The following CADM2 variants were observed in gnomAD, a reference collection of about 807,000 sequenced individuals.
CADM2 encodes the protein cell adhesion molecule 2.
Under a neutral mutation model 49.8 loss-of-function variants are expected in CADM2, and 12 were observed. The ratio of observed to expected loss-of-function variants is 0.24; its 90% CI spans 0.15 to 0.39. The LOEUF (loss-of-function observed/expected upper bound fraction) is 0.39. CADM2 is among the 10% of genes least tolerant of loss of function. The pLI is 1.00. For synonymous variants in CADM2, 214 were observed against 175.4 expected (o/e 1.22, Z -1.74); for missense variants, 378 against 492.3 (o/e 0.77, Z 2.20).
At chr3:85,406,913 C>T (rs982673716) in intron 1 of CADM2, among the ~76,000 whole-genome samples, 6 of 152,138 alleles carry the variant, frequency 3.9e-5, no homozygotes, top group East Asian at 1.9e-4. Flanking sequence ...AGACAAAATA[C>T]GACCAGGGTA....
At chr3:85,917,948 C>T (rs932103716) in intron 6 of CADM2, among the ~76,000 whole-genome samples, 1 of 152,138 alleles carries the variant, frequency 6.6e-6, no homozygotes, top group African/African-American at 2.4e-5. Flanking sequence ...TTGGAGTTCA[C>T]TCATGGTTTG....
intron 1 of CADM2, among the ~76,000 whole-genome samples, chr3:85,687,530 A>G (rs1015040254): frequency 1.3e-5 from 2 of 152,194 alleles, no homozygotes; most frequent in African/African-American, 4.8e-5. Context: ...TTAATAATTC[A>G]AGAGAAAATA....
At chr3:86,045,312 C>T (rs77440954) in intron 8 of CADM2, among the ~76,000 whole-genome samples, 6 of 152,018 alleles carry the variant, frequency 3.9e-5, no homozygotes, top group African/African-American at 1.4e-4. Context: ...TGATTTAAAT[C>T]GAATGGCTGA....
At chr3:85,369,032 ATTTC>A (rs1559804006) in intron 1 of CADM2, among the ~76,000 whole-genome samples, 1 of 152,162 alleles carries the variant, frequency 6.6e-6, no homozygotes, top group Admixed American at 6.5e-5. Flanking sequence ...TCCAGAAGTG[ATTTC>A]TTTCTTCTTA....
At chr3:85,053,534 A>G (rs1426813758) in intron 1 of CADM2, among the ~76,000 whole-genome samples, 1 of 151,942 alleles carries the variant, frequency 6.6e-6, no homozygotes, top group Non-Finnish European at 1.5e-5. Flanking sequence ...TGAAAAATGG[A>G]TGAGTGACTC....
At chr3:85,758,519 A>G (rs529354060) in intron 2 of CADM2, among the ~76,000 whole-genome samples, 1 of 152,234 alleles carries the variant, frequency 6.6e-6, no homozygotes, top group Admixed American at 6.5e-5. Flanking sequence ...TCTTAATTTT[A>G]TGTGTTTCTT....
At chr3:85,981,658 G>T (rs930548148) in intron 8 of CADM2, among the ~76,000 whole-genome samples, 1 of 151,538 alleles carries the variant, frequency 6.6e-6, no homozygotes, top group South Asian at 2.1e-4. Context: ...GCCTGCAGCT[G>T]CATCTTTGCT....
chr3:85,899,247 T>C (rs1715767909), intron 5 of CADM2, among the ~76,000 whole-genome samples: 1 of 151,960 alleles, frequency 6.6e-6, no homozygotes, highest in African/African-American at 2.4e-5. Context: ...ATTACAGGTG[T>C]GAGCCACCGC....
intron 1 of CADM2, among the ~76,000 whole-genome samples, chr3:85,672,486 C>T (rs997707039): frequency 3.3e-5 from 5 of 152,044 alleles, no homozygotes; most frequent in Admixed American, 1.3e-4. Context: ...AAGGTTTTCC[C>T]TCTGCTAATA....
intron 1 of CADM2, among the ~76,000 whole-genome samples, chr3:85,688,055 C>A (rs2066268057): frequency 6.6e-6 from 1 of 152,172 alleles, no homozygotes; most frequent in Admixed American, 6.5e-5. Context: ...AAACCATCAC[C>A]CCCAGCAACC....
At chr3:86,055,770 C>T (rs1737913033) in intron 8 of CADM2, among the ~76,000 whole-genome samples, 1 of 152,132 alleles carries the variant, frequency 6.6e-6, no homozygotes, top group Non-Finnish European at 1.5e-5. Flanking sequence ...GGGACACAAA[C>T]ATTCAGACCT....
At chr3:85,359,473 G>A (rs2107271046) in intron 1 of CADM2, among the ~76,000 whole-genome samples, 1 of 150,752 alleles carries the variant, frequency 6.6e-6, no homozygotes, top group African/African-American at 2.4e-5. Context: ...GTGTCCTATA[G>A]CATACTCTTT....
chr3:86,028,749 TA>T (rs1305792130), intron 8 of CADM2, among the ~76,000 whole-genome samples: 1 of 152,190 alleles, frequency 6.6e-6, no homozygotes, highest in Admixed American at 6.5e-5. Flanking sequence ...TCTTCACTTT[TA>T]TTTTCTAGAT....
chr3:85,572,989 A>G (rs1442289425), intron 1 of CADM2, among the ~76,000 whole-genome samples: 1 of 151,728 alleles, frequency 6.6e-6, no homozygotes, highest in African/African-American at 2.4e-5. Context: ...TACACTGTAC[A>G]TATTATCCTA....
At chr3:85,732,567 C>A (rs1334954911) in intron 2 of CADM2, among the ~76,000 whole-genome samples, 1 of 145,310 alleles carries the variant, frequency 6.9e-6, no homozygotes, top group Non-Finnish European at 1.6e-5. Flanking sequence ...TTGCTGAAGA[C>A]ACTGCTATAT....
intron 8 of CADM2, among the ~76,000 whole-genome samples, chr3:86,021,878 C>G (rs1316037858): frequency 1.3e-5 from 2 of 152,094 alleles, no homozygotes; most frequent in Non-Finnish European, 2.9e-5. Context: ...AGCAGATATA[C>G]AGGAAGAGCA....
At chr3:85,024,658 T>C (rs986924905) in intron 1 of CADM2, among the ~76,000 whole-genome samples, 1 of 137,564 alleles carries the variant, frequency 7.3e-6, no homozygotes, top group Non-Finnish European at 1.6e-5. Context: ...GCAGTAATTA[T>C]AGTTTTTCTT....
At chr3:85,410,155 T>C (rs2035589580) in intron 1 of CADM2, among the ~76,000 whole-genome samples, 2 of 152,206 alleles carry the variant, frequency 1.3e-5, no homozygotes, top group Non-Finnish European at 2.9e-5. Flanking sequence ...CAATTTATTC[T>C]CTCATTTCAA....
rs75938547 is a variant in CADM2 at position 85,379,526 on chromosome 3, G to T, written c.62-346996G>T. Reference sequence around the variant, plus strand: ...GGGAGGCAAACTCTTTGACTTTCATGTTCAACTCTCCAAACATTGCATTTT... The same window carrying T: ...GGGAGGCAAACTCTTTGACTTTCATTTTCAACTCTCCAAACATTGCATTTT... On this transcript the variant is annotated intron_variant, in intron 1 of 9. Coordinates refer to ENST00000383699, the MANE Select transcript of CADM2 (RefSeq NM_001167675.2). 2.6e-5 allele frequency among the ~76,000 whole-genome samples: 4 copies of T among 152,000 alleles called. No homozygotes were observed. The East Asian group carries it at 7.8e-4, about 29-fold the overall frequency.
Sources: allele counts gnomAD v4.1 joint callset (sites outside exome capture counted in the v4.1 genomes callset), GRCh38; gene constraint gnomAD v4.1.1; transcripts MANE v1.5; gene names NCBI Gene and HGNC (gene_info 2026-07-23, HGNC 2026-07-21).